The following CPHXL variants were observed in gnomAD, a reference collection of about 807,000 sequenced individuals.
The protein encoded by CPHXL is cytoplasmic polyadenylated homeobox-like protein.
At chr16:75,722,401 C>T (rs1959490895) in intron 1 of CPHXL, among the ~76,000 whole-genome samples, 1 of 152,018 alleles carries the variant, frequency 6.6e-6, no homozygotes, top group Non-Finnish European at 1.5e-5. Flanking sequence ...CAAATAGACA[C>T]AATAAAAAGT....
chr16:75,721,041 C>T (rs544826887), intron 1 of CPHXL, among the ~76,000 whole-genome samples: 1 of 152,102 alleles, frequency 6.6e-6, no homozygotes, highest in Non-Finnish European at 1.5e-5. Flanking sequence ...CCTCTACAGA[C>T]AAGCAAATGC....
chr16:75,726,084 A>G (rs1460327491), intron 1 of CPHXL, among the ~76,000 whole-genome samples: 2 of 152,158 alleles, frequency 1.3e-5, no homozygotes, highest in Non-Finnish European at 2.9e-5. Flanking sequence ...GAGGTTAAGA[A>G]AGATACACAA....
chr16:75,723,287 A>G (rs1033284273), intron 1 of CPHXL, among the ~76,000 whole-genome samples: 6 of 152,178 alleles, frequency 3.9e-5, no homozygotes, highest in Non-Finnish European at 5.9e-5. Context: ...AGGGTATTCA[A>G]TTAGGAAAAG....
At chr16:75,726,157 A>G (rs1409644597) in intron 1 of CPHXL, among the ~76,000 whole-genome samples, 1 of 152,164 alleles carries the variant, frequency 6.6e-6, no homozygotes, top group Non-Finnish European at 1.5e-5. Flanking sequence ...TGCATTAGGT[A>G]GTTCATACAT....
chr16:75,716,265 A>G (rs1959389812), intron 2 of CPHXL, among the ~76,000 whole-genome samples: 1 of 152,128 alleles, frequency 6.6e-6, no homozygotes, highest in Non-Finnish European at 1.5e-5. Context: ...CAATTCTGAC[A>G]CTATGTACCT....
chr16:75,726,024 G>A (rs1959554369), intron 1 of CPHXL, among the ~76,000 whole-genome samples: 1 of 151,970 alleles, frequency 6.6e-6, no homozygotes, highest in African/African-American at 2.4e-5. Context: ...CAGTAGGGAA[G>A]AGGAAAATTA....
Position 75,715,006 on chromosome 16 carries a change from A to G in CPHXL, c.436T>C (p.Trp146Arg), listed in dbSNP as rs555912831. 6 of 398,606 alleles carry G rather than the reference A, an allele frequency of 1.5e-5. No individual in the cohort carries two copies. Among genetic ancestry groups the G allele is most frequent in the South Asian group, 1.3e-4 (1 of 7,862 alleles). The allele number at this position is 398,606 out of a possible 1,614,324, so 24.7% of individuals were successfully genotyped here. Residue 146 changes from tryptophan (W) to arginine (R), a missense_variant, in exon 3 of 3, where the codon TGG becomes CGG. Coordinates refer to ENST00000640559, the MANE Select transcript of CPHXL (RefSeq NM_001355613.1). ...RAGCSHLEKQ[W>R]IPSQEMGYNC... ...TAGCCCATTTCTTGACTGGGAATCC[A>G]CTGTTTCTCCAGATGGGAGCAACCA...
Position 75,722,667 on chromosome 16 carries a change from A to G in CPHXL, c.25+3751T>C, listed in dbSNP as rs572787761. Among the ~76,000 whole-genome samples, 3 of 152,372 alleles carry G rather than the reference A, an allele frequency of 2.0e-5. No homozygotes were observed. The South Asian group carries it at 6.2e-4, about 32-fold the overall frequency. ...GACGGATTCACAGCCGAATTCTACC[A>G]GAGGTGCAAGGAAGAGCTAGTAACA... On this transcript the variant is annotated intron_variant, in intron 1 of 2. Coordinates refer to ENST00000640559, the MANE Select transcript of CPHXL (RefSeq NM_001355613.1).
chr16:75,717,094 A>T (rs565967911), intron 2 of CPHXL, among the ~76,000 whole-genome samples: 4 of 152,246 alleles, frequency 2.6e-5, no homozygotes, highest in African/African-American at 7.2e-5. Flanking sequence ...TCACAGCATA[A>T]CCCACACATA....
chr16:75,725,699 G>T (rs544286645), intron 1 of CPHXL, among the ~76,000 whole-genome samples: 2 of 140,386 alleles, frequency 1.4e-5, no homozygotes, highest in African/African-American at 5.2e-5. Context: ...TGATCCACCC[G>T]CCTCGGCCTC....
intron 1 of CPHXL, among the ~76,000 whole-genome samples, chr16:75,725,278 T>TAAAA (rs756510984): frequency 6.6e-5 from 10 of 151,654 alleles, no homozygotes; most frequent in African/African-American, 2.2e-4. Context: ...AGTATAATAA[T>TAAAA]AAAAAAAACT....
Position 75,714,828 on chromosome 16 carries a change from G to A in CPHXL, c.614C>T (p.Ser205Phe). The A allele has an allele frequency of 2.5e-6, 1 of 398,698 alleles. No individual in the cohort carries two copies. Among genetic ancestry groups the A allele is most frequent in the Non-Finnish European group, 4.4e-6 (1 of 226,122 alleles). 24.7% of individuals were successfully genotyped at this position (398,698 alleles called of 1,614,324 possible). A position where few individuals can be genotyped will look rare whatever the true frequency, so the allele number is the denominator to read the frequency against. The change falls in exon 3 of 3, where the codon TCC becomes TTC. Residue 205 changes from serine to phenylalanine, a missense_variant. Transcript: ENST00000640559. ...KLGIPSQQVA[S>F]QSSYLVTGTE... ...GCCTGTGACCAGATAGGAACTCTGGGAGGCCACCTGTTGACTGGGAATCCC... is the reference window on the plus strand; with the variant it reads ...GCCTGTGACCAGATAGGAACTCTGGAAGGCCACCTGTTGACTGGGAATCCC...
chr16:75,718,217 TA>T (rs879648180), intron 2 of CPHXL, 47 bp downstream of exon 2: 42,730 of 287,364 alleles, frequency 0.15, no homozygotes, highest in Middle Eastern at 0.23. Flanking sequence ...AGACCTTGTC[TA>T]AAAAAAAAAA....
intron 2 of CPHXL, 88 bp from the exon 3 acceptor site, chr16:75,715,310 A>T (rs1330811233): frequency 2.5e-6 from 1 of 397,718 alleles, no homozygotes; most frequent in African/African-American, 2.1e-5. Context: ...GGATTTTTCT[A>T]TTTAAGCCTC....
chr16:75,718,113 G>C (rs969876441), intron 2 of CPHXL, among the ~76,000 whole-genome samples, 152 bp downstream of exon 2: 2 of 152,000 alleles, frequency 1.3e-5, no homozygotes, highest in African/African-American at 4.8e-5. Context: ...AGCTACTCAG[G>C]GGACTGAGGT....
intron 2 of CPHXL, 63 bp downstream of exon 2, chr16:75,718,202 G>C (rs1959420977): frequency 2.5e-6 from 1 of 397,112 alleles, no homozygotes; most frequent in African/African-American, 2.1e-5. Flanking sequence ...TGTGTGATAG[G>C]AGTGAGACCT....
intron 1 of CPHXL, among the ~76,000 whole-genome samples, chr16:75,718,747 C>A (rs1959430412): frequency 6.6e-6 from 1 of 152,190 alleles, no homozygotes; most frequent in Non-Finnish European, 1.5e-5. Context: ...TGTTTTCAAG[C>A]CACAACAGCA....
intron 1 of CPHXL, among the ~76,000 whole-genome samples, chr16:75,721,193 A>C (rs1220060276): frequency 1.3e-5 from 2 of 152,234 alleles, no homozygotes; most frequent in Non-Finnish European, 2.9e-5. Flanking sequence ...AACTGCATGA[A>C]CTAAGGGGCA....
intron 1 of CPHXL, among the ~76,000 whole-genome samples, chr16:75,723,970 C>T (rs974768919): frequency 6.6e-6 from 1 of 152,208 alleles, no homozygotes; most frequent in Non-Finnish European, 1.5e-5. Flanking sequence ...AATAATGCCA[C>T]ATATCTACAA....
Sources: allele counts gnomAD v4.1 joint callset (sites outside exome capture counted in the v4.1 genomes callset), GRCh38; gene constraint gnomAD v4.1.1; transcripts MANE v1.5; gene names NCBI Gene and HGNC (gene_info 2026-07-23, HGNC 2026-07-21).